ALDH6A1: variants seen among roughly 807,000 people sequenced by gnomAD.
ALDH6A1 encodes aldehyde dehydrogenase 6 family member A1.
Under a neutral mutation model 62.6 loss-of-function variants are expected in ALDH6A1, and 43 were observed. The ratio of observed to expected loss-of-function variants is 0.69; its 90% CI spans 0.54 to 0.89. The LOEUF (loss-of-function observed/expected upper bound fraction) is 0.89, where lower values mean the gene tolerates loss of function less well. ALDH6A1 is among the 40% of genes least tolerant of loss of function. The pLI is 0.00. For synonymous variants in ALDH6A1, 194 were observed against 234.2 expected (o/e 0.83, Z 1.57); for missense variants, 551 against 661.3 (o/e 0.83, Z 1.83).
In ALDH6A1 at chr14:74,060,060, G is replaced by A. The variant is rs1033966664; in HGVS notation, c.*582C>T. The A allele has an allele frequency of 6.4e-6, 1 of 156,984 alleles. No homozygotes were observed. The highest frequency in any genetic ancestry group is 2.4e-5 in the African/African-American group (1 of 41,456). The allele number at this position is 156,984 out of a possible 1,614,324, so 9.7% of individuals were successfully genotyped here. ...GGCATTTAGGTAGCGCTATGTTTGA[G>A]GATCAACCAAAAGCGGTGAGTTATT... On this transcript the variant is annotated 3_prime_UTR_variant, in exon 12 of 12. Transcript: ENST00000553458.
intron 1 of ALDH6A1, chr14:74,082,768 CTCTA>C (rs1302659666): frequency 6.6e-6 from 1 of 152,130 alleles, no homozygotes; most frequent in Non-Finnish European, 1.5e-5. Context: ...CTGAGGATTA[CTCTA>C]TCTGTTCTTT....
chr14:74,078,638 C>T (rs1338653514), intron 1 of ALDH6A1, among the ~76,000 whole-genome samples: 2 of 152,200 alleles, frequency 1.3e-5, no homozygotes, highest in African/African-American at 2.4e-5. Context: ...AGTGATTCTC[C>T]TGCCTCAGCT....
At chr14:74,079,312 T>C (rs1242548286) in intron 1 of ALDH6A1, among the ~76,000 whole-genome samples, 1 of 151,726 alleles carries the variant, frequency 6.6e-6, no homozygotes, top group Non-Finnish European at 1.5e-5. Context: ...AATGGCGCAA[T>C]CTCGGCTCAC....
intron 2 of ALDH6A1, among the ~76,000 whole-genome samples, chr14:74,074,067 C>T (rs919736354): frequency 1.3e-5 from 2 of 151,402 alleles, no homozygotes; most frequent in Admixed American, 1.3e-4. Flanking sequence ...TTACTGCAAC[C>T]TCTGCCTCCC....
At chr14:74,080,606 T>TA (rs957291567) in intron 1 of ALDH6A1, among the ~76,000 whole-genome samples, 5 of 151,874 alleles carry the variant, frequency 3.3e-5, no homozygotes, top group African/African-American at 7.3e-5. Flanking sequence ...CCCAGCTAAT[T>TA]AAAAAAAATT....
At chr14:74,075,044 G>T in intron 1 of ALDH6A1, 27 bp from the exon 2 acceptor site, 1 of 1,608,036 alleles carries the variant, frequency 6.2e-7, no homozygotes, top group South Asian at 1.1e-5. Flanking sequence ...CGATTATTTT[G>T]ATAAATGAGA....
At chr14:74,082,760 G>A (rs1221415799) in intron 1 of ALDH6A1, 1 of 152,140 alleles carries the variant, frequency 6.6e-6, no homozygotes, top group Non-Finnish European at 1.5e-5. Context: ...CTAGTTGGCT[G>A]AGGATTACTC....
chr14:74,084,319 A>G (rs755336454), intron 1 of ALDH6A1, 28 bp downstream of exon 1: 2 of 1,613,706 alleles, frequency 1.2e-6, no homozygotes, highest in Admixed American at 1.7e-5. Context: ...TCCTAGCTTC[A>G]TGGTGCCTTG....
At chr14:74,077,657 C>T (rs559390010) in intron 1 of ALDH6A1, among the ~76,000 whole-genome samples, 1 of 152,268 alleles carries the variant, frequency 6.6e-6, no homozygotes, top group South Asian at 2.1e-4. Context: ...CAGCACAAAG[C>T]CATTCATGAG....
intron 2 of ALDH6A1, among the ~76,000 whole-genome samples, chr14:74,072,992 G>A (rs765661599): frequency 1.3e-5 from 2 of 152,164 alleles, no homozygotes; most frequent in Non-Finnish European, 2.9e-5. Flanking sequence ...TAGAGATGGG[G>A]TTTCACCATG....
chr14:74,058,780 A>G lies in ALDH6A1; in HGVS notation c.*1862T>C. ...TTCTGACCTTAAGTTTAGATATATC[A>G]AAGAAACAAAAAGCATAGAGGCGGC... On this transcript the variant is annotated 3_prime_UTR_variant, in exon 12 of 12. Transcript: ENST00000553458. The G allele has an allele frequency of 6.5e-6, 1 of 152,912 alleles. No individual in the cohort carries two copies. Among genetic ancestry groups the G allele is most frequent in the Admixed American group, 6.5e-5 (1 of 15,316 alleles). The allele number at this position is 152,912 out of a possible 1,614,324, so 9.5% of individuals were successfully genotyped here.
chr14:74,069,095 C>CTTTTTATTT, intron 6 of ALDH6A1, 114 bp from the exon 7 acceptor site: 1 of 633,206 alleles, frequency 1.6e-6, no homozygotes, highest in Non-Finnish European at 2.4e-6. Context: ...TTTTCTTTTA[C>CTTTTTATTT]TTTTTCTTTT....
chr14:74,059,166 C>A lies in ALDH6A1; in HGVS notation c.*1476G>T. ...CTGTCAAAGCATTTTTTTTTAACCA[C>A]TTTATGTCATGGAAAGCTTCGAAAT... On this transcript the variant is annotated 3_prime_UTR_variant, in exon 12 of 12. Coordinates refer to ENST00000553458, the MANE Select transcript of ALDH6A1 (RefSeq NM_005589.4). 4.7e-6 allele frequency: 1 copy of A among 213,494 alleles called. No homozygotes were observed. The highest frequency in any genetic ancestry group is 9.6e-6 in the Non-Finnish European group (1 of 104,670). 13.2% of individuals were successfully genotyped at this position (213,494 alleles called of 1,614,324 possible). A position where few individuals can be genotyped will look rare whatever the true frequency, so the allele number is the denominator to read the frequency against.
Position 74,072,588 on chromosome 14 carries a change from A to G in ALDH6A1, c.135T>C (p.Gly45=). ...CACTTTTGGATTCAACGAATTTCCC[A>G]CCAATGAAGAGCTTTACAGTTGGCT... ...SSVPTVKLFI[G]GKFVESKSDK... The change falls in exon 3 of 12, where the codon GGT becomes GGC. Residue 45 remains glycine (G), a synonymous_variant. Coordinates refer to ENST00000553458, the MANE Select transcript of ALDH6A1 (RefSeq NM_005589.4). 6.2e-7 allele frequency: 1 copy of G among 1,613,936 alleles called. No homozygotes were observed. Among genetic ancestry groups the G allele is most frequent in the Non-Finnish European group, 8.5e-7 (1 of 1,180,014 alleles).
intron 6 of ALDH6A1, 160 bp downstream of exon 6, chr14:74,071,035 C>T (rs573772267): frequency 3.5e-5 from 26 of 751,396 alleles, no homozygotes; most frequent in African/African-American, 1.4e-4. Flanking sequence ...GTTACCTTGG[C>T]GCACAAAGAT....
Position 74,060,734 on chromosome 14 carries a change from A to G in ALDH6A1, c.1516T>C (p.Tyr506His). ...GAAGTAATGGTCTTTAACTGAGTGTAGAATTGGATGCCCTAAGGAAAACAG... is the reference window on the plus strand; with the variant it reads ...GAAGTAATGGTCTTTAACTGAGTGTGGAATTGGATGCCCTAAGGAAAACAG... Reference protein sequence around the residue: ...NFYGKQGIQFYTQLKTITSQW... With the variant: ...NFYGKQGIQFHTQLKTITSQW... The change falls in exon 12 of 12, where the codon TAC becomes CAC. Residue 506 changes from tyrosine (Y) to histidine (H), a missense_variant. Physicochemically the swap from Tyr to His is moderately conservative, Grantham distance 83 (BLOSUM62 2). Coordinates refer to ENST00000553458, the MANE Select transcript of ALDH6A1 (RefSeq NM_005589.4). 6.2e-7 allele frequency: 1 copy of G among 1,611,928 alleles called. No homozygotes were observed. Among genetic ancestry groups the G allele is most frequent in the Non-Finnish European group, 8.5e-7 (1 of 1,177,976 alleles).
chr14:74,072,948 C>T (rs574940675), intron 2 of ALDH6A1, among the ~76,000 whole-genome samples: 18 of 152,146 alleles, frequency 1.2e-4, no homozygotes, highest in African/African-American at 3.9e-4. Context: ...TACAGACACC[C>T]GCCACAACAC....
chr14:74,078,132 A>C (rs2060633171), intron 1 of ALDH6A1: 1 of 448,414 alleles, frequency 2.2e-6, no homozygotes, highest in Non-Finnish European at 4.5e-6. Flanking sequence ...CTTTATCTTA[A>C]AACTCCCAAT....
chr14:74,082,467 T>C (rs2060679907), intron 1 of ALDH6A1, among the ~76,000 whole-genome samples: 1 of 137,986 alleles, frequency 7.2e-6, no homozygotes, highest in Non-Finnish European at 1.5e-5. Context: ...TGGCACGATC[T>C]CAGCTCACTG....
Sources: allele counts gnomAD v4.1 joint callset (sites outside exome capture counted in the v4.1 genomes callset), GRCh38; gene constraint gnomAD v4.1.1; transcripts MANE v1.5; gene names NCBI Gene and HGNC (gene_info 2026-07-23, HGNC 2026-07-21).